HTR2C: variants seen among roughly 807,000 people sequenced by gnomAD.
The protein encoded by HTR2C is 5-hydroxytryptamine receptor 2C, also known as 5-hydroxytryptamine (serotonin) receptor 2C, G protein-coupled.
A neutral mutation model predicts 21.0 loss-of-function variants in HTR2C; 5 were observed. That is an observed-to-expected ratio of 0.24 (90% CI 0.12 to 0.50). The LOEUF is 0.50. Ranked by LOEUF, HTR2C falls within the 20% of genes least tolerant of loss-of-function variation. The probability of loss-of-function intolerance (pLI) is 0.98; values close to 1 mark genes in which losing one functional copy is unlikely to be tolerated. For synonymous variants in HTR2C, 150 were observed against 145.3 expected (o/e 1.03, Z -0.23); for missense variants, 271 against 371.2 (o/e 0.73, Z 2.22).
At chrX:114,808,253 G>T (rs953870237) in intron 4 of HTR2C, among the ~76,000 whole-genome samples, 1 of 110,991 alleles carries the variant, frequency 9.0e-6, no homozygotes, top group Non-Finnish European at 1.9e-5. Flanking sequence ...CTTATTTTGC[G>T]TAACACAATT....
chrX:114,802,783 A>G (rs1052823213), intron 4 of HTR2C, among the ~76,000 whole-genome samples: 1 of 97,692 alleles, frequency 1.0e-5, no homozygotes, highest in Non-Finnish European at 2.0e-5. Context: ...CACAATGTGC[A>G]GGTTAGTTAC....
intron 2 of HTR2C, among the ~76,000 whole-genome samples, chrX:114,638,746 A>T (rs1235650472): frequency 3.3e-5 from 3 of 91,280 alleles, no homozygotes; most frequent in Admixed American, 2.8e-4. Flanking sequence ...TCATTGTTCA[A>T]TTCCCACCTA....
chrX:114,805,214 C>T (rs920845252), intron 4 of HTR2C, among the ~76,000 whole-genome samples: 1 of 110,085 alleles, frequency 9.1e-6, no homozygotes, highest in Non-Finnish European at 1.9e-5. Flanking sequence ...TTTTTTCTTG[C>T]CCTTTTTGCT....
intron 5 of HTR2C, among the ~76,000 whole-genome samples, chrX:114,898,344 T>C (rs1321536399): frequency 8.9e-6 from 1 of 112,363 alleles, no homozygotes; most frequent in Non-Finnish European, 1.9e-5. Flanking sequence ...ATTTTATAGG[T>C]TGTCTGCTCA....
At chrX:114,838,943 A>G (rs1244756083) in intron 4 of HTR2C, among the ~76,000 whole-genome samples, 1 of 112,360 alleles carries the variant, frequency 8.9e-6, no homozygotes, top group African/African-American at 3.2e-5. Flanking sequence ...TTGAAGCACA[A>G]TTGGAAACAT....
At chrX:114,693,367 A>T (rs1338516435) in intron 2 of HTR2C, among the ~76,000 whole-genome samples, 1 of 111,641 alleles carries the variant, frequency 9.0e-6, no homozygotes, top group African/African-American at 3.3e-5. Context: ...AGAACATCCC[A>T]GGACTTCCTG....
chrX:114,723,240 T>C (rs1933299201), intron 2 of HTR2C, among the ~76,000 whole-genome samples: 1 of 111,314 alleles, frequency 9.0e-6, no homozygotes, highest in African/African-American at 3.3e-5. Flanking sequence ...TGGTTTAGTC[T>C]TGGGAGAGTG....
intron 2 of HTR2C, among the ~76,000 whole-genome samples, chrX:114,663,414 A>G (rs782769755): frequency 8.9e-6 from 1 of 112,036 alleles, no homozygotes; most frequent in African/African-American, 3.2e-5. Flanking sequence ...ATATAGGATT[A>G]TAGTCACATG....
chrX:114,592,239 T>C (rs1366397587), intron 1 of HTR2C, among the ~76,000 whole-genome samples: 1 of 112,758 alleles, frequency 8.9e-6, no homozygotes, highest in Non-Finnish European at 1.9e-5. Context: ...TTCACCATTG[T>C]GGTTTTCACC....
At chrX:114,596,624 T>TG (rs782267413) in intron 1 of HTR2C, among the ~76,000 whole-genome samples, 1 of 111,625 alleles carries the variant, frequency 9.0e-6, no homozygotes, top group South Asian at 3.7e-4. Flanking sequence ...TTTGAGTCTT[T>TG]GGGGGGTGAT....
At chrX:114,723,136 A>G in intron 2 of HTR2C, among the ~76,000 whole-genome samples, 1 of 111,221 alleles carries the variant, frequency 9.0e-6, no homozygotes, top group African/African-American at 3.3e-5. Context: ...CTGTGAATCC[A>G]TCTGGTCCTG....
chrX:114,849,758 T>A (rs1225490544), intron 5 of HTR2C, among the ~76,000 whole-genome samples: 1 of 112,215 alleles, frequency 8.9e-6, no homozygotes, highest in East Asian at 2.8e-4. Context: ...TAAGATGATT[T>A]CGTATTATTC....
At chrX:114,653,836 A>G (rs1930679078) in intron 2 of HTR2C, among the ~76,000 whole-genome samples, 1 of 111,200 alleles carries the variant, frequency 9.0e-6, no homozygotes, top group Non-Finnish European at 1.9e-5. Context: ...TACTAATCTA[A>G]GAAAATCAGT....
intron 4 of HTR2C, among the ~76,000 whole-genome samples, chrX:114,829,458 C>G (rs980394174): frequency 9.2e-6 from 1 of 108,172 alleles, no homozygotes; most frequent in African/African-American, 3.3e-5. Context: ...TGATAGCACT[C>G]TGATGCAGAA....
intron 5 of HTR2C, among the ~76,000 whole-genome samples, chrX:114,873,086 T>G (rs2071104539): frequency 8.9e-6 from 1 of 111,868 alleles, no homozygotes; most frequent in Non-Finnish European, 1.9e-5. Context: ...ATATGATGTT[T>G]TACTTTAATC....
intron 4 of HTR2C, among the ~76,000 whole-genome samples, chrX:114,834,845 A>G (rs781910778): frequency 0.015 from 1,656 of 107,753 alleles, 44 homozygotes; most frequent in African/African-American, 0.054. Flanking sequence ...GGCTGGTACC[A>G]GTTGTTCCTT....
chrX:114,855,476 T>C (rs1373516368), intron 5 of HTR2C, among the ~76,000 whole-genome samples: 1 of 110,825 alleles, frequency 9.0e-6, no homozygotes, highest in Non-Finnish European at 1.9e-5. Flanking sequence ...GAAAGTTCAA[T>C]CTCCCAGAGA....
intron 4 of HTR2C, chrX:114,823,403 C>T: frequency 2.9e-6 from 1 of 340,724 alleles, no homozygotes; most frequent in Non-Finnish European, 5.9e-6. Context: ...CAATGTCAAG[C>T]CTTTCAGCAG....
At chrX:114,737,963 G>A (rs2069607488) in intron 4 of HTR2C, among the ~76,000 whole-genome samples, 1 of 112,427 alleles carries the variant, frequency 8.9e-6, no homozygotes, top group Non-Finnish European at 1.9e-5. Flanking sequence ...GGTAAAGACA[G>A]TATGAAGAAA....
Sources: gnomAD v4.1 joint callset for allele counts (sites outside exome capture counted in the v4.1 genomes callset) on GRCh38, gnomAD v4.1.1 for gene constraint, MANE v1.5 for transcripts, NCBI Gene and HGNC (gene_info 2026-07-23, HGNC 2026-07-21) for gene names.